Variants in GPC6 observed in about 807,000 individuals in gnomAD.
The protein encoded by GPC6 is glypican-6.
Under a neutral mutation model 55.2 loss-of-function variants are expected in GPC6, and 14 were observed. That is an observed-to-expected ratio of 0.25 (90% CI 0.17 to 0.40). The LOEUF (loss-of-function observed/expected upper bound fraction) is 0.40. GPC6 is among the 10% of genes least tolerant of loss of function. The pLI, the probability that GPC6 is intolerant of heterozygous loss-of-function variation, is 1.00. For synonymous variants in GPC6, 278 were observed against 259.6 expected, an observed-to-expected ratio of 1.07 and a Z score of -0.68; for missense variants, 641 against 708.5, an observed-to-expected ratio of 0.90 and a Z score of 1.08.
At chr13:93,637,024 G>T (rs1879730256) in intron 2 of GPC6, among the ~76,000 whole-genome samples, 6 of 151,676 alleles carry the variant, frequency 4.0e-5, no homozygotes, top group Admixed American at 4.0e-4. Context: ...CTAAAGGAGT[G>T]CAAAATGCTA....
chr13:94,287,813 C>T (rs1398619829), intron 5 of GPC6, among the ~76,000 whole-genome samples: 1 of 152,140 alleles, frequency 6.6e-6, no homozygotes, highest in Non-Finnish European at 1.5e-5. Context: ...GGCACGGTAT[C>T]CCGTTGGTGC....
intron 6 of GPC6, among the ~76,000 whole-genome samples, chr13:94,343,732 T>C (rs1878149886): frequency 6.6e-6 from 1 of 152,176 alleles, no homozygotes; most frequent in Non-Finnish European, 1.5e-5. Flanking sequence ...TTGTTATTGT[T>C]GTTAACTTTT....
intron 6 of GPC6, among the ~76,000 whole-genome samples, chr13:94,336,168 A>AG (rs1342088429): frequency 2.0e-5 from 3 of 152,180 alleles, no homozygotes; most frequent in Non-Finnish European, 2.9e-5. Context: ...GAGTCCAGTG[A>AG]GGGGGGATTA....
intron 2 of GPC6, among the ~76,000 whole-genome samples, chr13:93,822,855 T>TTTATTA (rs1019162631): frequency 1.4e-5 from 2 of 147,218 alleles, no homozygotes; most frequent in Non-Finnish European, 3.0e-5. Context: ...TTATTATTAT[T>TTTATTA]TTATTATTAT....
intron 2 of GPC6, among the ~76,000 whole-genome samples, chr13:93,625,559 G>A (rs7989631): frequency 7.9e-5 from 12 of 152,030 alleles, no homozygotes; most frequent in Non-Finnish European, 1.6e-4. Flanking sequence ...AGCCTTCTGC[G>A]CAGGACAGGG....
At chr13:93,987,118 T>C (rs1881066042) in intron 3 of GPC6, among the ~76,000 whole-genome samples, 2 of 152,168 alleles carry the variant, frequency 1.3e-5, no homozygotes, top group African/African-American at 4.8e-5. Flanking sequence ...CTCATGAGAA[T>C]GTGATAAAGA....
chr13:94,147,813 C>CCAGTG (rs1160894862), intron 4 of GPC6, among the ~76,000 whole-genome samples: 1 of 152,132 alleles, frequency 6.6e-6, no homozygotes, highest in Non-Finnish European at 1.5e-5. Flanking sequence ...TTACTCATAA[C>CCAGTG]ATTCTTGTAG....
intron 1 of GPC6, among the ~76,000 whole-genome samples, chr13:93,345,386 AT>A (rs1231106703): frequency 4.6e-5 from 7 of 152,224 alleles, no homozygotes; most frequent in Middle Eastern, 3.4e-3. Flanking sequence ...TGATATCAGT[AT>A]TGCTGTTGCT....
At chr13:93,787,584 T>C (rs1396985851) in intron 2 of GPC6, among the ~76,000 whole-genome samples, 2 of 152,230 alleles carry the variant, frequency 1.3e-5, no homozygotes, top group African/African-American at 4.8e-5. Flanking sequence ...TGTATATATG[T>C]TCAGGTACAT....
intron 2 of GPC6, among the ~76,000 whole-genome samples, chr13:93,787,095 G>C (rs983798011): frequency 1.3e-5 from 2 of 152,070 alleles, no homozygotes; most frequent in Admixed American, 1.3e-4. Flanking sequence ...GCCACAAACT[G>C]TTTTCTTTAA....
At chr13:93,863,675 TCTC>T (rs1888880307) in intron 3 of GPC6, among the ~76,000 whole-genome samples, 2 of 151,628 alleles carry the variant, frequency 1.3e-5, no homozygotes, top group Admixed American at 6.6e-5. Flanking sequence ...ATCATAAACT[TCTC>T]CTCTGTAGTT....
At chr13:93,389,479 G>A (rs572621552) in intron 1 of GPC6, among the ~76,000 whole-genome samples, 2 of 147,404 alleles carry the variant, frequency 1.4e-5, no homozygotes, top group Non-Finnish European at 3.0e-5. Flanking sequence ...ACTCCAGCTT[G>A]GGCAACAGAG....
chr13:93,681,303 T>C (rs1881836376), intron 2 of GPC6, among the ~76,000 whole-genome samples: 1 of 152,166 alleles, frequency 6.6e-6, no homozygotes, highest in African/African-American at 2.4e-5. Flanking sequence ...ATTTGACAAC[T>C]TACAGAATTT....
chr13:93,290,138 A>G (rs1414625300), intron 1 of GPC6, among the ~76,000 whole-genome samples: 1 of 152,146 alleles, frequency 6.6e-6, no homozygotes, highest in Non-Finnish European at 1.5e-5. Flanking sequence ...CCATTTGCTG[A>G]CTTGATAAGG....
chr13:93,548,338 C>G (rs1874939554), intron 2 of GPC6, among the ~76,000 whole-genome samples: 1 of 152,066 alleles, frequency 6.6e-6, no homozygotes, highest in Admixed American at 6.6e-5. Flanking sequence ...AGGTTGATGA[C>G]TTTTCTTTCT....
chr13:94,387,538 A>G (rs937753123), intron 7 of GPC6, among the ~76,000 whole-genome samples: 2 of 152,142 alleles, frequency 1.3e-5, no homozygotes, highest in Non-Finnish European at 2.9e-5. Context: ...ACTCTTGGAG[A>G]TCTTATTAAA....
intron 3 of GPC6, among the ~76,000 whole-genome samples, chr13:93,977,060 T>C (rs1880553048): frequency 6.6e-6 from 1 of 152,122 alleles, no homozygotes; most frequent in Non-Finnish European, 1.5e-5. Context: ...GGGATATAAA[T>C]TTCCACTTCT....
At chr13:94,398,998 G>C (rs1231312101) in intron 8 of GPC6, among the ~76,000 whole-genome samples, 2 of 152,148 alleles carry the variant, frequency 1.3e-5, no homozygotes, top group East Asian at 3.8e-4. Context: ...CTTCTGCCCT[G>C]TTCCCACCAA....
At chr13:93,662,611 C>G (rs1880971007) in intron 2 of GPC6, among the ~76,000 whole-genome samples, 1 of 151,456 alleles carries the variant, frequency 6.6e-6, no homozygotes, top group Admixed American at 6.6e-5. Flanking sequence ...GCCTGGGGTA[C>G]AAGAGCGAGA....
Sources: gnomAD v4.1 joint callset for allele counts (sites outside exome capture counted in the v4.1 genomes callset) on GRCh38, gnomAD v4.1.1 for gene constraint, MANE v1.5 for transcripts, NCBI Gene and HGNC (gene_info 2026-07-23, HGNC 2026-07-21) for gene names.